RGS5: variants seen among roughly 807,000 people sequenced by gnomAD.
RGS5 encodes regulator of G protein signaling 5, also known as regulator of G-protein signalling 5.
A neutral mutation model predicts 18.9 loss-of-function variants in RGS5; 20 were observed. The observed-to-expected ratio is 1.06, with a 90% CI of 0.74 to 1.54. The LOEUF is 1.54. RGS5 is among the 40% of genes most tolerant of loss of function. The pLI, the probability that RGS5 is intolerant of heterozygous loss-of-function variation, is 0.00. For synonymous variants in RGS5, 57 were observed against 76.2 expected, an observed-to-expected ratio of 0.75 and a Z score of 1.31; for missense variants, 201 against 211.8, an observed-to-expected ratio of 0.95 and a Z score of 0.32.
intron 1 of RGS5, among the ~76,000 whole-genome samples, chr1:163,175,890 G>A (rs1194817346): frequency 6.6e-6 from 1 of 152,084 alleles, no homozygotes; most frequent in Admixed American, 6.5e-5. Context: ...GGAATATATA[G>A]TAGTAGTAGT....
intron 1 of RGS5, among the ~76,000 whole-genome samples, chr1:163,314,068 G>A (rs1431388124): frequency 2.6e-5 from 4 of 151,906 alleles, no homozygotes; most frequent in African/African-American, 4.8e-5. Flanking sequence ...ACTACTTCAT[G>A]CAGTTGTTGT....
At chr1:163,313,718 TGTAGGGAAGTG>T (rs1649936271) in intron 1 of RGS5, among the ~76,000 whole-genome samples, 1 of 152,174 alleles carries the variant, frequency 6.6e-6, no homozygotes, top group Non-Finnish European at 1.5e-5. Context: ...TGTGTTGTAC[TGTAGGGAAGTG>T]GTAGAATAGT....
intron 2 of RGS5, among the ~76,000 whole-genome samples, chr1:163,228,036 T>C (rs1053654793): frequency 1.3e-5 from 2 of 152,204 alleles, no homozygotes; most frequent in African/African-American, 2.4e-5. Flanking sequence ...CAGGGGGGCA[T>C]TGAATGCCTG....
intron 2 of RGS5, chr1:163,248,146 C>T (rs1315080161): frequency 1.3e-5 from 2 of 152,192 alleles, no homozygotes; most frequent in East Asian, 3.9e-4. Flanking sequence ...GATAAAACCA[C>T]TTTCTTTATT....
intron 1 of RGS5, among the ~76,000 whole-genome samples, chr1:163,316,849 CTT>C (rs1456385912): frequency 1.3e-5 from 2 of 152,116 alleles, no homozygotes; most frequent in Non-Finnish European, 2.9e-5. Context: ...ACTACTATTA[CTT>C]TGTTAGACGC....
intron 2 of RGS5, among the ~76,000 whole-genome samples, chr1:163,164,040 T>C (rs1657926388): frequency 6.6e-6 from 1 of 152,178 alleles, no homozygotes; most frequent in African/African-American, 2.4e-5. Context: ...CAAGATTAAA[T>C]TCCTGAAAAG....
intron 2 of RGS5, among the ~76,000 whole-genome samples, chr1:163,301,788 T>C (rs1054121414): frequency 2.0e-5 from 3 of 152,226 alleles, no homozygotes; most frequent in Admixed American, 6.5e-5. Context: ...AGCTAAATTC[T>C]ATACTATTTG....
chr1:163,160,086 C>T (rs988771895), intron 3 of RGS5, among the ~76,000 whole-genome samples: 16 of 152,100 alleles, frequency 1.1e-4, no homozygotes, highest in Admixed American at 5.9e-4. Flanking sequence ...TCTATCTAAC[C>T]CTAGCTTTCT....
At chr1:163,293,578 A>C (rs895246468) in intron 2 of RGS5, among the ~76,000 whole-genome samples, 1 of 152,184 alleles carries the variant, frequency 6.6e-6, no homozygotes, top group Non-Finnish European at 1.5e-5. Context: ...AAACCATATC[A>C]TTCTGCCCCT....
At chr1:163,308,182 T>C (rs1464411257) in intron 1 of RGS5, among the ~76,000 whole-genome samples, 3 of 152,212 alleles carry the variant, frequency 2.0e-5, no homozygotes, top group African/African-American at 4.8e-5. Context: ...AAGTTATTCT[T>C]TGAAAATGAT....
intron 1 of RGS5, among the ~76,000 whole-genome samples, chr1:163,316,781 T>G (rs1385236614): frequency 2.6e-5 from 4 of 152,150 alleles, no homozygotes; most frequent in African/African-American, 9.7e-5. Context: ...TAAAATATAT[T>G]CAACAAAAAG....
intron 1 of RGS5, among the ~76,000 whole-genome samples, chr1:163,210,497 T>C (rs1204824791): frequency 6.6e-6 from 1 of 152,190 alleles, no homozygotes; most frequent in Non-Finnish European, 1.5e-5. Flanking sequence ...AGTGACTTTT[T>C]AGGAGGCAGT....
At chr1:163,287,339 G>C (rs1466723546) in intron 2 of RGS5, among the ~76,000 whole-genome samples, 2 of 152,116 alleles carry the variant, frequency 1.3e-5, no homozygotes, top group Non-Finnish European at 2.9e-5. Flanking sequence ...GCTTTGTAGA[G>C]ATACTCCCAG....
At chr1:163,277,157 ATAACT>A (rs1648878763) in intron 2 of RGS5, among the ~76,000 whole-genome samples, 1 of 152,214 alleles carries the variant, frequency 6.6e-6, no homozygotes. Flanking sequence ...TCTTTAGATA[ATAACT>A]TAACTCTTTC....
intron 1 of RGS5, among the ~76,000 whole-genome samples, chr1:163,319,449 G>A (rs1049748649): frequency 6.6e-6 from 1 of 152,230 alleles, no homozygotes; most frequent in Admixed American, 6.5e-5. Flanking sequence ...AATGAAGAAA[G>A]GGTAAAGTTT....
chr1:163,218,792 AAG>A (rs1660273067), upstream of RGS5, among the ~76,000 whole-genome samples: 1 of 152,100 alleles, frequency 6.6e-6, no homozygotes, highest in South Asian at 2.1e-4. Context: ...GTAAAAGACA[AAG>A]AGATTGCCTC....
At chr1:163,289,272 G>T (rs1465450355) in intron 2 of RGS5, among the ~76,000 whole-genome samples, 1 of 151,284 alleles carries the variant, frequency 6.6e-6, no homozygotes, top group Non-Finnish European at 1.5e-5. Flanking sequence ...CTACACCTTT[G>T]CTCCTGCAGT....
chr1:163,165,904 TCAAAAAAAAAA>T (rs1400800112), intron 2 of RGS5, among the ~76,000 whole-genome samples: 1 of 61,444 alleles, frequency 1.6e-5, no homozygotes, highest in Non-Finnish European at 3.1e-5. Flanking sequence ...AAATTCCGTC[TCAAAAAAAAAA>T]CAAAAAAAAA....
intron 1 of RGS5, among the ~76,000 whole-genome samples, chr1:163,177,578 C>T (rs1054060286): frequency 1.3e-5 from 2 of 152,160 alleles, no homozygotes; most frequent in African/African-American, 4.8e-5. Flanking sequence ...TCCCAGATCC[C>T]TGATATATCC....
Sources: gnomAD v4.1 joint callset for allele counts (sites outside exome capture counted in the v4.1 genomes callset) on GRCh38, gnomAD v4.1.1 for gene constraint, MANE v1.5 for transcripts, NCBI Gene and HGNC (gene_info 2026-07-23, HGNC 2026-07-21) for gene names.